TCF3: variants seen among roughly 807,000 people sequenced by gnomAD.
TCF3 encodes the protein transcription factor E2-alpha.
A neutral mutation model predicts 72.3 loss-of-function variants in TCF3; 54 were observed. That is an observed-to-expected ratio of 0.75 (90% CI 0.60 to 0.94). TCF3 has a LOEUF of 0.94. TCF3 is among the 40% of genes least tolerant of loss of function. The pLI is 0.00. For synonymous variants in TCF3, 525 were observed against 412.6 expected (o/e 1.27, Z -3.30); for missense variants, 1,078 against 934.4 (o/e 1.15, Z -2.00).
intron 2 of TCF3, among the ~76,000 whole-genome samples, chr19:1,647,608 C>T (rs992733228): frequency 6.6e-6 from 1 of 152,222 alleles, no homozygotes; most frequent in Non-Finnish European, 1.5e-5. Flanking sequence ...GACCACACCC[C>T]CTCCCGCAGG....
intron 3 of TCF3, among the ~76,000 whole-genome samples, chr19:1,642,428 ACC>A (rs2145450432): frequency 6.6e-6 from 1 of 152,304 alleles, no homozygotes; most frequent in South Asian, 2.1e-4. Context: ...GCGGGACGGT[ACC>A]CCTGGGGGTG....
intron 13 of TCF3, 104 bp from the exon 14 acceptor site, chr19:1,619,957 C>T (rs985205189): frequency 1.3e-5 from 14 of 1,041,914 alleles, no homozygotes; most frequent in South Asian, 4.6e-5. Flanking sequence ...GTCCAGCCTC[C>T]GGTGATGCCC....
chr19:1,648,573 G>A (rs942359397), intron 2 of TCF3, among the ~76,000 whole-genome samples: 1 of 152,172 alleles, frequency 6.6e-6, no homozygotes, highest in South Asian at 2.1e-4. Context: ...CTGCACCTCG[G>A]GTTACTCAGC....
intron 1 of TCF3, among the ~76,000 whole-genome samples, chr19:1,651,880 C>A (rs2067149561): frequency 6.6e-6 from 1 of 151,078 alleles, no homozygotes; most frequent in Admixed American, 6.6e-5. Context: ...ACGTCCCTCC[C>A]GCGCGCTCCC....
Position 1,611,669 on chromosome 19 carries a change from G to A in TCF3, c.*38C>T. The A allele has an allele frequency of 6.9e-6, 11 of 1,596,472 alleles. No individual in the cohort carries two copies. The highest frequency in any genetic ancestry group is 9.4e-6 in the Non-Finnish European group (11 of 1,169,446). Reference sequence around the variant, plus strand: ...GGCCGTTCTGGGGCCAGAGCACAGGGCTGAAAGCGGGTGGCTCGTCCCACG... The same window carrying A: ...GGCCGTTCTGGGGCCAGAGCACAGGACTGAAAGCGGGTGGCTCGTCCCACG... On this transcript the variant is annotated 3_prime_UTR_variant, in exon 19 of 19. Transcript: ENST00000262965.
At position 1,621,930 on chromosome 19, in the gene TCF3, G is replaced by T; in HGVS notation, c.863C>A (p.Pro288Gln). The T allele has an allele frequency of 6.2e-7, 1 of 1,605,480 alleles. No individual in the cohort carries two copies. Among genetic ancestry groups the T allele is most frequent in the Non-Finnish European group, 8.5e-7 (1 of 1,177,114 alleles). The change falls in exon 11 of 19, where the codon CCA (proline) becomes CAA (glutamine). Residue 288 changes from proline (P) to glutamine (Q), a missense_variant. Physicochemically the swap from Pro to Gln is moderately conservative, Grantham distance 76. Coordinates refer to ENST00000262965, the MANE Select transcript of TCF3 (RefSeq NM_003200.5). ...GGCTGAGGAGAAGGAGGATGCAGAT[G>T]GGAGCCCACCGTTCACCTCTGCTCC... ...LHGAEVNGGLPSASSFSSAPG... is the reference protein window; with the variant it reads ...LHGAEVNGGLQSASSFSSAPG...
At chr19:1,612,120 G>C (rs1307473263) in intron 18 of TCF3, 1 of 1,348,746 alleles carries the variant, frequency 7.4e-7, no homozygotes, top group African/African-American at 1.5e-5. Flanking sequence ...AGAGTCCGGG[G>C]GCGGCAAGCA....
At chr19:1,646,472 C>T in intron 2 of TCF3, 45 bp from the exon 3 acceptor site, 2 of 1,523,166 alleles carry the variant, frequency 1.3e-6, no homozygotes, top group South Asian at 1.2e-5. Context: ...GGTGGCAAAC[C>T]AAACCCTACA....
At chr19:1,619,723 C>A (rs562868464) in intron 14 of TCF3, 57 bp downstream of exon 14, 3 of 1,248,578 alleles carry the variant, frequency 2.4e-6, no homozygotes, top group East Asian at 3.1e-5. Context: ...TCTCAAGGAG[C>A]GTCTGTCCTG....
intron 13 of TCF3, among the ~76,000 whole-genome samples, chr19:1,620,272 G>A (rs1168417092): frequency 6.6e-6 from 1 of 152,146 alleles, no homozygotes; most frequent in Admixed American, 6.5e-5. Context: ...TCCCATGGGG[G>A]CAGAGATGAG....
At chr19:1,637,717 G>A (rs2064637186) in intron 3 of TCF3, among the ~76,000 whole-genome samples, 1 of 152,194 alleles carries the variant, frequency 6.6e-6, no homozygotes, top group South Asian at 2.1e-4. Context: ...AGACCATGCT[G>A]GCCAACAGGG....
At chr19:1,624,122 G>T in intron 7 of TCF3, 122 bp from the exon 8 acceptor site, 1 of 939,048 alleles carries the variant, frequency 1.1e-6, no homozygotes, top group Non-Finnish European at 1.6e-6. Context: ...GGTCGGCTGG[G>T]TGCGGTGCCT....
intron 3 of TCF3, among the ~76,000 whole-genome samples, chr19:1,643,906 G>A (rs1801704247): frequency 1.3e-5 from 2 of 152,220 alleles, no homozygotes; most frequent in African/African-American, 2.4e-5. Context: ...GGCCAAGGTG[G>A]AGAATGCGGC....
intron 3 of TCF3, among the ~76,000 whole-genome samples, chr19:1,639,026 T>C (rs1047593814): frequency 3.3e-5 from 5 of 152,182 alleles, no homozygotes; most frequent in Admixed American, 6.5e-5. Flanking sequence ...GCAACCTTCA[T>C]ATCGAAGTTT....
chr19:1,637,155 C>A (rs2064537552), intron 3 of TCF3, among the ~76,000 whole-genome samples: 2 of 152,064 alleles, frequency 1.3e-5, no homozygotes, highest in South Asian at 4.1e-4. Flanking sequence ...GGACAACCTC[C>A]TCCACCAGAA....
chr19:1,619,657 G>C (rs1051952956), intron 14 of TCF3, 123 bp downstream of exon 14: 8 of 1,266,594 alleles, frequency 6.3e-6, no homozygotes, highest in Non-Finnish European at 8.7e-6. Context: ...GCGGCCACGA[G>C]GCCTCAATAA....
chr19:1,645,901 G>A (rs1019914516), intron 3 of TCF3, among the ~76,000 whole-genome samples: 7 of 152,268 alleles, frequency 4.6e-5, no homozygotes, highest in Non-Finnish European at 4.4e-5. Flanking sequence ...TACAGCAAGC[G>A]CCTAATACCT....
At chr19:1,634,522 G>A (rs1350324172) in intron 3 of TCF3, among the ~76,000 whole-genome samples, 5 of 152,194 alleles carry the variant, frequency 3.3e-5, no homozygotes, top group Non-Finnish European at 5.9e-5. Context: ...TGTGGAAGCC[G>A]CCCACCTGCC....
chr19:1,622,040 GC>G lies in TCF3; in HGVS notation c.822+13del, dbSNP rs1235949633. 50 of 1,598,916 alleles carry G rather than the reference GC, an allele frequency of 3.1e-5. No individual in the cohort carries two copies. Among genetic ancestry groups the G allele is most frequent in the Non-Finnish European group, 4.1e-5 (48 of 1,174,306 alleles). The stretch of plus-strand genomic sequence containing the variant: ...ACCCTCCGCCCACCCCCTGCCCCCT[GC>G]CCTGGGTCCTACCATACGCTCGTGC... On this transcript the variant is annotated intron_variant, in intron 10 of 18. Transcript: ENST00000262965.
Sources: gnomAD v4.1 joint callset for allele counts (sites outside exome capture counted in the v4.1 genomes callset) on GRCh38, gnomAD v4.1.1 for gene constraint, MANE v1.5 for transcripts, NCBI Gene and HGNC (gene_info 2026-07-23, HGNC 2026-07-21) for gene names.